ADGRL2: variants seen among roughly 807,000 people sequenced by gnomAD.
The protein encoded by ADGRL2 is adhesion G protein-coupled receptor L2.
A neutral mutation model predicts 157.4 loss-of-function variants in ADGRL2; 44 were observed. The ratio of observed to expected loss-of-function variants is 0.28; its 90% CI spans 0.22 to 0.36. ADGRL2 has a LOEUF of 0.36. Ranked by LOEUF, ADGRL2 falls within the 10% of genes least tolerant of loss-of-function variation. ADGRL2 has a pLI of 1.00. For synonymous variants in ADGRL2, 585 were observed against 624.7 expected (o/e 0.94, Z 0.95); for missense variants, 1,510 against 1,768.9 (o/e 0.85, Z 2.63).
chr1:81,477,897 G>A (rs563718979), intron 2 of ADGRL2, among the ~76,000 whole-genome samples: 1 of 152,060 alleles, frequency 6.6e-6, no homozygotes, highest in Admixed American at 6.6e-5. Flanking sequence ...CCATCACTAC[G>A]ATGTCATTCT....
At chr1:81,323,923 G>A (rs1246255544) in intron 1 of ADGRL2, among the ~76,000 whole-genome samples, 4 of 152,190 alleles carry the variant, frequency 2.6e-5, no homozygotes, top group Non-Finnish European at 4.4e-5. Context: ...AAGAGAGAAT[G>A]TTGTGAGAAG....
At chr1:81,809,555 CCTGT>C (rs1279807020) in intron 1 of ADGRL2, among the ~76,000 whole-genome samples, 1 of 151,876 alleles carries the variant, frequency 6.6e-6, no homozygotes, top group African/African-American at 2.4e-5. Flanking sequence ...CAGATACAAT[CCTGT>C]CTTTTTTTCT....
chr1:81,955,900 C>T lies in ADGRL2; in HGVS notation c.1857C>T (p.Asn619=), dbSNP rs1429055325. ...AGGCAATTGTTGACACAGTGGACAA[C>T]CTTCTGAGACCCGAAGCTTTGGAAT... ...YLKAIVDTVD[N]LLRPEALESW... The change falls in exon 11 of 24, where the codon AAC becomes AAT. Residue 619 remains asparagine, a synonymous_variant. Transcript: ENST00000686636. 1 of 1,595,018 alleles carries T rather than the reference C, an allele frequency of 6.3e-7. No homozygotes were observed. Among genetic ancestry groups the T allele is most frequent in the African/African-American group, 1.4e-5 (1 of 73,916 alleles).
chr1:81,441,501 T>TTTTG lies in ADGRL2; in HGVS notation c.-301-3519_-301-3516dup, dbSNP rs547903178. ...CTCTAGCCCAAACTGAATATTCAAT[T>TTTTG]TTTGTTTGTTTGTTTGTTTTTGGGT... is the stretch of plus-strand genomic sequence containing the variant. On this transcript the variant is annotated intron_variant, in intron 1 of 24. Transcript: ENST00000370721. 3.9e-5 allele frequency among the ~76,000 whole-genome samples: 6 copies of TTTTG among 152,208 alleles called. No individual in the cohort carries two copies. In the South Asian group the frequency reaches 1.2e-3, roughly 32 times the overall value.
chr1:81,684,362 AT>A (rs1325142958), intron 3 of ADGRL2, among the ~76,000 whole-genome samples: 2 of 151,702 alleles, frequency 1.3e-5, no homozygotes, highest in Non-Finnish European at 2.9e-5. Flanking sequence ...TGTGGTTTTG[AT>A]TTGCATTTCC....
intron 2 of ADGRL2, among the ~76,000 whole-genome samples, chr1:81,857,551 C>T (rs542819880): frequency 6.6e-6 from 1 of 152,218 alleles, no homozygotes; most frequent in South Asian, 2.1e-4. Context: ...TGCGTAGTCA[C>T]CTCAGTAGAA....
At chr1:81,593,065 A>T (rs1363162156) in intron 3 of ADGRL2, among the ~76,000 whole-genome samples, 1 of 152,210 alleles carries the variant, frequency 6.6e-6, no homozygotes, top group Non-Finnish European at 1.5e-5. Flanking sequence ...GTATATTAAT[A>T]ATGCCAAAAA....
In ADGRL2 at chr1:81,924,680, A is replaced by C. The variant is rs535670494; in HGVS notation, c.288-12048A>C. 3.9e-5 allele frequency among the ~76,000 whole-genome samples: 6 copies of C among 152,194 alleles called. No individual in the cohort carries two copies. In the South Asian group the frequency reaches 1.2e-3, roughly 32 times the overall value. ...ACTGGATTTCTTGGAGAAAACCCTC[A>C]GGTTGAGGGGTGATTGAGGTATATG... On this transcript the variant is annotated intron_variant, in intron 3 of 23. Coordinates refer to ENST00000686636, the MANE Select transcript of ADGRL2 (RefSeq NM_001366006.2).
chr1:81,776,548 A>G (rs767124814), intron 2 of ADGRL2, among the ~76,000 whole-genome samples: 40 of 152,234 alleles, frequency 2.6e-4, no homozygotes, highest in Non-Finnish European at 3.8e-4. Context: ...TTGAAGAAAC[A>G]GATAAAGAAA....
intron 6 of ADGRL2, among the ~76,000 whole-genome samples, chr1:81,944,031 C>CA (rs1219474117): frequency 6.6e-6 from 1 of 151,840 alleles, no homozygotes; most frequent in Non-Finnish European, 1.5e-5. Flanking sequence ...TAACCAGAAA[C>CA]CTGTTAGCAG....
At chr1:81,477,813 G>C (rs1021947817) in intron 2 of ADGRL2, among the ~76,000 whole-genome samples, 4 of 152,162 alleles carry the variant, frequency 2.6e-5, no homozygotes, top group African/African-American at 9.7e-5. Context: ...TAGTGATTCA[G>C]CTGCTTCAGG....
In ADGRL2 at chr1:81,836,909, G is replaced by A. The variant is rs2092314211; in HGVS notation, c.-76G>A. The A allele has an allele frequency of 3.7e-6, 3 of 804,528 alleles. No individual in the cohort carries two copies. Among genetic ancestry groups the A allele is most frequent in the Non-Finnish European group, 6.2e-6 (3 of 487,228 alleles). 49.8% of individuals were successfully genotyped at this position (804,528 alleles called of 1,614,324 possible). Reference sequence around the variant, plus strand: ...GATATGAAGATCAATGATGCAGACTGATGGTTTTGATGAAGCTGGGCATTT... The same window carrying A: ...GATATGAAGATCAATGATGCAGACTAATGGTTTTGATGAAGCTGGGCATTT... On this transcript the variant is annotated 5_prime_UTR_variant, in exon 2 of 24. The change abolishes the stop of an existing upstream ORF in the 5' untranslated region. Transcript: ENST00000686636.
chr1:81,597,197 T>C (rs941690503), intron 3 of ADGRL2, among the ~76,000 whole-genome samples: 5 of 152,146 alleles, frequency 3.3e-5, no homozygotes, highest in African/African-American at 1.2e-4. Context: ...TATGTGGGTG[T>C]TGGGTGGTGT....
At chr1:81,401,083 G>A (rs1206884213) in intron 1 of ADGRL2, among the ~76,000 whole-genome samples, 1 of 152,142 alleles carries the variant, frequency 6.6e-6, no homozygotes, top group East Asian at 1.9e-4. Context: ...TAGGTACTAG[G>A]ATTTGTGGCC....
rs79992023 is a variant in ADGRL2 at position 81,732,271 on chromosome 1, C to A, written c.-142-29540C>A. Among the ~76,000 whole-genome samples, 970 of 152,228 alleles carry A rather than the reference C, an allele frequency of 6.4e-3. 64 individuals carry two copies. The East Asian group carries it at 0.16, about 24-fold the overall frequency. On this transcript the variant is annotated intron_variant, in intron 1 of 20. Coordinates refer to the ADGRL2 transcript ENST00000359929. ...TATTGCTGTAAAATCTCTAGGTATT[C>A]CAGCTGTAAGAAATACATCAGCTAC...
intron 1 of ADGRL2, chr1:81,427,406 G>A (rs2077238512): frequency 4.0e-6 from 3 of 745,904 alleles, no homozygotes; most frequent in Non-Finnish European, 7.4e-6. Context: ...TGGTGGTGGA[G>A]GATATGATGG....
At chr1:81,568,166 C>T (rs1421947488) in intron 2 of ADGRL2, among the ~76,000 whole-genome samples, 1 of 152,012 alleles carries the variant, frequency 6.6e-6, no homozygotes, top group Non-Finnish European at 1.5e-5. Context: ...GTGTTTTCCA[C>T]TGTTAAAAAA....
chr1:81,509,987 A>G (rs1261344145), intron 2 of ADGRL2, among the ~76,000 whole-genome samples: 26 of 152,220 alleles, frequency 1.7e-4, no homozygotes, highest in Admixed American at 1.7e-3. Context: ...AAGTCCAAAA[A>G]AAGAAAGTTG....
chr1:81,669,039 A>G (rs1317015112), intron 3 of ADGRL2, among the ~76,000 whole-genome samples: 1 of 152,044 alleles, frequency 6.6e-6, no homozygotes, highest in Non-Finnish European at 1.5e-5. Context: ...AAGACTGTCC[A>G]TCAATCTGGA....
Sources: allele counts gnomAD v4.1 joint callset (sites outside exome capture counted in the v4.1 genomes callset), GRCh38; gene constraint gnomAD v4.1.1; transcripts MANE v1.5; gene names NCBI Gene and HGNC (gene_info 2026-07-23, HGNC 2026-07-21).